Variants in SORCS3 observed in about 807,000 individuals in gnomAD.
SORCS3 encodes the protein sortilin related VPS10 domain containing receptor 3.
A neutral mutation model predicts 146.3 loss-of-function variants in SORCS3; 57 were observed. The ratio of observed to expected loss-of-function variants is 0.39; its 90% CI spans 0.31 to 0.49. SORCS3 has a LOEUF of 0.49. SORCS3 is among the 20% of genes least tolerant of loss of function. The pLI is 0.92. For missense variants in SORCS3, 1,341 were observed against 1,575.5 expected, an observed-to-expected ratio of 0.85 and a Z score of 2.52; for synonymous variants, 653 against 618.5, an observed-to-expected ratio of 1.06 and a Z score of -0.83.
intron 14 of SORCS3, 90 bp downstream of exon 14, chr10:105,178,263 C>T (rs1331983422): frequency 7.9e-6 from 8 of 1,011,616 alleles, no homozygotes; most frequent in African/African-American, 1.6e-5. Context: ...GGGAACCCTA[C>T]ACCAAAGTGG....
intron 5 of SORCS3, among the ~76,000 whole-genome samples, chr10:105,056,421 A>C (rs937700754): frequency 6.6e-6 from 1 of 152,176 alleles, no homozygotes; most frequent in Non-Finnish European, 1.5e-5. Flanking sequence ...GTTTGTGTCG[A>C]GGAGCAATGA....
intron 2 of SORCS3, among the ~76,000 whole-genome samples, chr10:104,876,750 T>TTCCTTC (rs1296770635): frequency 0.2 from 22,380 of 109,742 alleles, 2,708 homozygotes; most frequent in East Asian, 0.27. Flanking sequence ...TTCCTTCCTT[T>TTCCTTC]CTTTCTTTCT....
At chr10:104,689,980 A>G (rs2016093451) in intron 1 of SORCS3, among the ~76,000 whole-genome samples, 1 of 152,070 alleles carries the variant, frequency 6.6e-6, no homozygotes, top group Admixed American at 6.5e-5. Flanking sequence ...TTTAATCTTA[A>G]TGTATGTTTA....
At chr10:104,910,375 A>C (rs2018954279) in intron 2 of SORCS3, among the ~76,000 whole-genome samples, 1 of 152,222 alleles carries the variant, frequency 6.6e-6, no homozygotes, top group Non-Finnish European at 1.5e-5. Context: ...AATACACAAG[A>C]AGCCACGCAT....
At chr10:104,756,804 T>G (rs2017058390) in intron 1 of SORCS3, among the ~76,000 whole-genome samples, 1 of 152,212 alleles carries the variant, frequency 6.6e-6, no homozygotes, top group Non-Finnish European at 1.5e-5. Context: ...TTGCTGGCAG[T>G]GCATTGGCTG....
intron 4 of SORCS3, among the ~76,000 whole-genome samples, chr10:104,984,382 C>T (rs1032922380): frequency 2.6e-5 from 4 of 152,032 alleles, no homozygotes; most frequent in Admixed American, 2.0e-4. Context: ...TACCCAGTGT[C>T]GGGTATTATA....
At chr10:104,765,163 T>C (rs575366933) in intron 1 of SORCS3, among the ~76,000 whole-genome samples, 1 of 152,304 alleles carries the variant, frequency 6.6e-6, no homozygotes, top group South Asian at 2.1e-4. Context: ...TGGAACCTAG[T>C]CTTTTCTCTC....
chr10:104,965,432 C>A (rs558187921), intron 3 of SORCS3, among the ~76,000 whole-genome samples: 2 of 152,140 alleles, frequency 1.3e-5, no homozygotes, highest in Non-Finnish European at 2.9e-5. Context: ...TTGGGTATTA[C>A]CCAGACGTGG....
intron 1 of SORCS3, among the ~76,000 whole-genome samples, chr10:104,822,703 C>T (rs2017888231): frequency 6.6e-6 from 1 of 152,130 alleles, no homozygotes; most frequent in Non-Finnish European, 1.5e-5. Context: ...CTGGCATGGC[C>T]CTCAATACGC....
At chr10:104,732,051 A>C (rs1228550628) in intron 1 of SORCS3, among the ~76,000 whole-genome samples, 1 of 152,246 alleles carries the variant, frequency 6.6e-6, no homozygotes, top group Non-Finnish European at 1.5e-5. Flanking sequence ...TTATGGACAC[A>C]ATACCCTTAC....
At chr10:105,042,599 T>G (rs2055344979) in intron 4 of SORCS3, among the ~76,000 whole-genome samples, 1 of 151,756 alleles carries the variant, frequency 6.6e-6, no homozygotes, top group South Asian at 2.1e-4. Context: ...AACATAGGAG[T>G]GTGAATGAGC....
intron 2 of SORCS3, among the ~76,000 whole-genome samples, chr10:104,885,532 G>T (rs1398680271): frequency 1.3e-5 from 2 of 152,278 alleles, no homozygotes; most frequent in South Asian, 4.1e-4. Flanking sequence ...GACCGGAACA[G>T]TGTTAATGGT....
At position 105,129,234 on chromosome 10, in the gene SORCS3, T is replaced by C. The variant is rs2055997865; in HGVS notation, c.1213-10163T>C. Among the ~76,000 whole-genome samples the C allele has an allele frequency of 2.0e-5, 3 of 152,062 alleles. No individual in the cohort carries two copies. In the South Asian group the frequency reaches 6.2e-4, roughly 32 times the overall value. On this transcript the variant is annotated intron_variant, in intron 7 of 26. Transcript: ENST00000369701. ...TGTATCAAGTTGAATGAAAAACTTA[T>C]ACAAGTATTGGACAACCATATAAGC... is the stretch of plus-strand genomic sequence containing the variant.
At chr10:105,230,470 A>G (rs1286390199) in intron 20 of SORCS3, among the ~76,000 whole-genome samples, 1 of 152,152 alleles carries the variant, frequency 6.6e-6, no homozygotes, top group Non-Finnish European at 1.5e-5. Context: ...CCTAGGTGGC[A>G]GAAGCTTATA....
chr10:105,116,811 A>G (rs1261253860), intron 7 of SORCS3, among the ~76,000 whole-genome samples: 2 of 152,124 alleles, frequency 1.3e-5, no homozygotes, highest in South Asian at 2.1e-4. Context: ...TCACGTTCTC[A>G]CTTGTAAGTG....
chr10:105,165,867 A>C (rs2119523382), intron 12 of SORCS3, among the ~76,000 whole-genome samples: 1 of 152,292 alleles, frequency 6.6e-6, no homozygotes, highest in Non-Finnish European at 1.5e-5. Context: ...GACAGGGCAA[A>C]AATGAGCAGT....
chr10:104,982,009 G>T (rs1299832438), intron 4 of SORCS3, among the ~76,000 whole-genome samples: 1 of 152,188 alleles, frequency 6.6e-6, no homozygotes, highest in Non-Finnish European at 1.5e-5. Flanking sequence ...TTTCTGAAAT[G>T]CTAGCACACA....
chr10:104,917,795 A>G (rs1432312707), intron 3 of SORCS3, among the ~76,000 whole-genome samples: 1 of 152,166 alleles, frequency 6.6e-6, no homozygotes, highest in Non-Finnish European at 1.5e-5. Flanking sequence ...AGGTTCATCC[A>G]TGTTGTCACA....
At chr10:104,943,240 C>T (rs1188173241) in intron 3 of SORCS3, among the ~76,000 whole-genome samples, 3 of 152,142 alleles carry the variant, frequency 2.0e-5, no homozygotes, top group African/African-American at 7.2e-5. Flanking sequence ...AGCAATTCTC[C>T]TGCCTCAGCC....
Sources: gnomAD v4.1 joint callset for allele counts (sites outside exome capture counted in the v4.1 genomes callset) on GRCh38, gnomAD v4.1.1 for gene constraint, MANE v1.5 for transcripts, NCBI Gene and HGNC (gene_info 2026-07-23, HGNC 2026-07-21) for gene names.